ARHGAP24: variants seen among roughly 807,000 people sequenced by gnomAD.
ARHGAP24 encodes the protein Rho GTPase activating protein 24, also known as rho GTPase-activating protein 24.
In ARHGAP24, 50 loss-of-function variants were observed where a neutral mutation model predicts 76.4. The observed-to-expected ratio is 0.65, with a 90% CI of 0.52 to 0.83. ARHGAP24 has a LOEUF of 0.83. ARHGAP24 is among the 40% of genes least tolerant of loss of function. The pLI is 0.00. For synonymous variants in ARHGAP24, 345 were observed against 323.3 expected, an observed-to-expected ratio of 1.07 and a Z score of -0.72; for missense variants, 930 against 914.2, an observed-to-expected ratio of 1.02 and a Z score of -0.22.
intron 2 of ARHGAP24, among the ~76,000 whole-genome samples, chr4:85,586,238 A>G (rs1402219058): frequency 1.3e-5 from 2 of 148,594 alleles, no homozygotes; most frequent in African/African-American, 4.9e-5. Context: ...ATTTGGGTTG[A>G]AATAGAGTAA....
intron 5 of ARHGAP24, among the ~76,000 whole-genome samples, chr4:85,946,880 A>G (rs1406628150): frequency 6.6e-6 from 1 of 152,046 alleles, no homozygotes; most frequent in African/African-American, 2.4e-5. Flanking sequence ...TAGTGGTTCA[A>G]CTCTCACTTC....
chr4:85,618,552 C>T (rs1382498556), intron 2 of ARHGAP24, among the ~76,000 whole-genome samples: 5 of 152,056 alleles, frequency 3.3e-5, no homozygotes, highest in Admixed American at 2.0e-4. Flanking sequence ...TTTTGAGGAA[C>T]TCCCATACTG....
chr4:85,625,501 C>A (rs1157535859), intron 2 of ARHGAP24, among the ~76,000 whole-genome samples: 2 of 151,998 alleles, frequency 1.3e-5, no homozygotes, highest in African/African-American at 2.4e-5. Flanking sequence ...ACTATGTGGT[C>A]AATTTTGGAG....
At chr4:85,507,295 C>T (rs1365077783) in intron 1 of ARHGAP24, among the ~76,000 whole-genome samples, 1 of 152,090 alleles carries the variant, frequency 6.6e-6, no homozygotes, top group Non-Finnish European at 1.5e-5. Context: ...GATCATGGCT[C>T]ACTGTAGCCT....
At chr4:85,600,208 T>G (rs1489808863) in intron 2 of ARHGAP24, among the ~76,000 whole-genome samples, 1 of 152,076 alleles carries the variant, frequency 6.6e-6, no homozygotes, top group Non-Finnish European at 1.5e-5. Context: ...GGAGGTCAGT[T>G]TGGCTGAAGC....
At chr4:85,983,957 A>C (rs1368290761) in intron 8 of ARHGAP24, among the ~76,000 whole-genome samples, 1 of 152,250 alleles carries the variant, frequency 6.6e-6, no homozygotes, top group Non-Finnish European at 1.5e-5. Context: ...CATTCAATAA[A>C]TATTCATTAA....
chr4:85,627,700 A>T (rs1306515404), intron 2 of ARHGAP24, among the ~76,000 whole-genome samples: 1 of 152,126 alleles, frequency 6.6e-6, no homozygotes, highest in Non-Finnish European at 1.5e-5. Context: ...GGCCTCCTTG[A>T]GCTGTGGTGG....
chr4:85,875,612 T>G (rs1732876442), intron 3 of ARHGAP24, among the ~76,000 whole-genome samples: 1 of 121,484 alleles, frequency 8.2e-6, no homozygotes, highest in South Asian at 2.2e-4. Context: ...TTATATTATA[T>G]ATATGTAATG....
At chr4:85,928,044 C>T (rs181769178) in intron 4 of ARHGAP24, among the ~76,000 whole-genome samples, 26 of 152,168 alleles carry the variant, frequency 1.7e-4, no homozygotes, top group Admixed American at 1.3e-4. Flanking sequence ...CCAAGGGAAA[C>T]GTGAAAAGTG....
intron 3 of ARHGAP24, among the ~76,000 whole-genome samples, chr4:85,909,596 C>T (rs928239869): frequency 7.2e-5 from 11 of 152,034 alleles, no homozygotes; most frequent in African/African-American, 2.7e-4. Flanking sequence ...ACTGGTTTAC[C>T]GACTTCTAAT....
Position 85,584,737 on chromosome 4 carries a change from G to A in ARHGAP24, c.180+14016G>A, listed in dbSNP as rs182825061. Among the ~76,000 whole-genome samples the A allele has an allele frequency of 3.0e-3, 459 of 152,126 alleles. 1 individual carries two copies. The highest frequency in any genetic ancestry group is 0.011 in the African/African-American group (440 of 41,484). On this transcript the variant is annotated intron_variant, in intron 2 of 9. Coordinates refer to ENST00000395184, the MANE Select transcript of ARHGAP24 (RefSeq NM_001025616.3). ...GGCAGGATCCAAACTAGTGCCAAAAGGTGTTTTTACTACATTTTTTTATCA... is the reference window on the plus strand; with the variant it reads ...GGCAGGATCCAAACTAGTGCCAAAAAGTGTTTTTACTACATTTTTTTATCA...
At chr4:85,576,437 A>T (rs1234929116) in intron 2 of ARHGAP24, among the ~76,000 whole-genome samples, 1 of 152,174 alleles carries the variant, frequency 6.6e-6, no homozygotes, top group Non-Finnish European at 1.5e-5. Flanking sequence ...CTCAAAAAAA[A>T]AAAAAAGTAA....
chr4:85,643,234 GTTTTTTTTTTTTTTTTT>G (rs70948741), intron 2 of ARHGAP24, among the ~76,000 whole-genome samples: 3 of 54,630 alleles, frequency 5.5e-5, no homozygotes, highest in Admixed American at 3.6e-4. Context: ...GTTTTTTTGT[GTTTTTTTTTTTTTTTTT>G]TTTTTTTTTT....
intron 2 of ARHGAP24, among the ~76,000 whole-genome samples, chr4:85,681,386 C>T (rs1723198653): frequency 6.6e-6 from 1 of 152,150 alleles, no homozygotes; most frequent in Admixed American, 6.6e-5. Flanking sequence ...ACGAGCCTAA[C>T]CACACAATGA....
chr4:85,568,698 A>G (rs773662174), intron 1 of ARHGAP24, among the ~76,000 whole-genome samples: 9 of 152,152 alleles, frequency 5.9e-5, no homozygotes, highest in Non-Finnish European at 1.0e-4. Flanking sequence ...ATAAGTGGTT[A>G]TGGTCATGGA....
chr4:85,941,529 T>G (rs1315382162), intron 4 of ARHGAP24, among the ~76,000 whole-genome samples: 5 of 152,192 alleles, frequency 3.3e-5, no homozygotes, highest in Non-Finnish European at 7.3e-5. Flanking sequence ...CTGAAATATT[T>G]TATATGGGAG....
intron 3 of ARHGAP24, among the ~76,000 whole-genome samples, chr4:85,847,328 G>A (rs1034774622): frequency 6.6e-6 from 1 of 151,988 alleles, no homozygotes; most frequent in Middle Eastern, 3.2e-3. Context: ...ATACAGCAGT[G>A]TATTAAACTG....
intron 2 of ARHGAP24, among the ~76,000 whole-genome samples, chr4:85,602,291 C>T (rs553341707): frequency 1.6e-4 from 25 of 152,316 alleles, no homozygotes; most frequent in Admixed American, 1.2e-3. Context: ...ACACAGATTG[C>T]AATTAATCTC....
intron 4 of ARHGAP24, among the ~76,000 whole-genome samples, chr4:85,932,187 T>G (rs1736372636): frequency 6.6e-6 from 1 of 152,216 alleles, no homozygotes; most frequent in African/African-American, 2.4e-5. Flanking sequence ...GAGAGATGCA[T>G]GTCTCATATT....
Sources: gnomAD v4.1 joint callset for allele counts (sites outside exome capture counted in the v4.1 genomes callset) on GRCh38, gnomAD v4.1.1 for gene constraint, MANE v1.5 for transcripts, NCBI Gene and HGNC (gene_info 2026-07-23, HGNC 2026-07-21) for gene names.